The following CLOCK variants were observed in gnomAD, a reference collection of about 807,000 sequenced individuals.
CLOCK encodes clock circadian regulator.
A neutral mutation model predicts 118.4 loss-of-function variants in CLOCK; 43 were observed. That is an observed-to-expected ratio of 0.36 (90% confidence interval 0.28 to 0.47). CLOCK has a LOEUF of 0.47. CLOCK is among the 20% of genes least tolerant of loss of function. CLOCK has a pLI of 1.00. For synonymous variants in CLOCK, 326 were observed against 339.2 expected (o/e 0.96, Z 0.43); for missense variants, 846 against 999.9 (o/e 0.85, Z 2.08).
chr4:55,450,293 C>T, intron 15 of CLOCK, 61 bp from the exon 16 acceptor site: 1 of 1,597,508 alleles, frequency 6.3e-7, no homozygotes, highest in Non-Finnish European at 8.6e-7. Context: ...CTCAAATTCA[C>T]AATACTGTTA....
intron 2 of CLOCK, among the ~76,000 whole-genome samples, chr4:55,493,794 A>G (rs764918268): frequency 1.3e-5 from 2 of 152,194 alleles, no homozygotes; most frequent in Non-Finnish European, 2.9e-5. Flanking sequence ...ACCTGTAAGA[A>G]TAAGAACCAC....
rs114359277 is a variant in CLOCK at position 55,467,196 on chromosome 4, C to T, written c.439-3391G>A. Among the ~76,000 whole-genome samples the T allele has an allele frequency of 3.4e-3, 516 of 152,232 alleles. 2 individuals are homozygous for T. The highest frequency in any genetic ancestry group is 0.011 in the African/African-American group (471 of 41,536). ...TCAAACACTTCAATTCCAATGAGAT[C>T]TATCACATGTTGTCTATTTCAAAGG... On this transcript the variant is annotated intron_variant, in intron 8 of 22. Transcript: ENST00000513440.
intron 5 of CLOCK, 80 bp from the exon 6 acceptor site, chr4:55,479,043 T>A: frequency 8.7e-7 from 1 of 1,150,106 alleles, no homozygotes; most frequent in Non-Finnish European, 1.2e-6. Context: ...AATTTAGACA[T>A]GACACAGCAT....
intron 1 of CLOCK, among the ~76,000 whole-genome samples, chr4:55,513,894 T>C (rs1038071883): frequency 1.6e-4 from 24 of 152,224 alleles, no homozygotes; most frequent in Non-Finnish European, 3.2e-4. Context: ...TGTAATGGTA[T>C]TGTGTTTTTA....
chr4:55,455,941 T>C lies in CLOCK; in HGVS notation c.938A>G (p.Tyr313Cys). ...EVLGTSGYDY[Y>C]HVDDLENLAK... ...CAAATTTTCTAGGTCATCCACATGA[T>C]AGTAATCATAGCCTGATGTTCCCAG... The change falls in exon 13 of 23, where the codon TAT (tyrosine) becomes TGT (cysteine). Residue 313 changes from tyrosine (Y) to cysteine (C), a missense_variant. Around this residue, in one of 4 missense-constraint regions of CLOCK, gnomAD observed 66 missense variants for 99.4 expected, o/e 0.66. Coordinates refer to ENST00000513440, the MANE Select transcript of CLOCK (RefSeq NM_004898.4). 1 of 1,613,792 alleles carries C rather than the reference T, an allele frequency of 6.2e-7. No homozygotes were observed. The highest frequency in any genetic ancestry group is 8.5e-7 in the Non-Finnish European group (1 of 1,179,816).
chr4:55,541,532 T>A (rs1367618696), intron 1 of CLOCK, among the ~76,000 whole-genome samples: 1 of 152,206 alleles, frequency 6.6e-6, no homozygotes, highest in African/African-American at 2.4e-5. Flanking sequence ...ATAGTCACAG[T>A]AAATAAATGC....
chr4:55,450,275 T>G, intron 15 of CLOCK, 43 bp from the exon 16 acceptor site: 1 of 1,611,804 alleles, frequency 6.2e-7, no homozygotes. Context: ...GTGGTTCAGT[T>G]CAGAGATCTC....
chr4:55,511,644 G>C (rs1729152564), intron 1 of CLOCK, among the ~76,000 whole-genome samples: 2 of 152,050 alleles, frequency 1.3e-5, no homozygotes, highest in South Asian at 4.2e-4. Flanking sequence ...CAAAATTTTA[G>C]GCTTCACTCT....
intron 18 of CLOCK, among the ~76,000 whole-genome samples, chr4:55,446,574 TA>T (rs1723870209): frequency 6.6e-6 from 1 of 152,224 alleles, no homozygotes; most frequent in Admixed American, 6.5e-5. Context: ...CATGGGCTTT[TA>T]AAGACTAGGC....
chr4:55,472,244 A>G (rs998899105), intron 7 of CLOCK, among the ~76,000 whole-genome samples: 1 of 152,238 alleles, frequency 6.6e-6, no homozygotes, highest in Non-Finnish European at 1.5e-5. Flanking sequence ...TGATTTTCAA[A>G]AAGTTATGTT....
At chr4:55,439,313 G>A (rs966616336) in intron 21 of CLOCK, among the ~76,000 whole-genome samples, 1 of 152,054 alleles carries the variant, frequency 6.6e-6, no homozygotes, top group African/African-American at 2.4e-5. Context: ...CACAACAAGA[G>A]GCTACTTTAT....
At chr4:55,449,562 A>AAAATG (rs1346551054) in intron 16 of CLOCK, 66 bp from the exon 17 acceptor site, 19 of 1,331,098 alleles carry the variant, frequency 1.4e-5, no homozygotes, top group South Asian at 1.1e-4. Flanking sequence ...GATTAATCTC[A>AAAATG]AAATGTATTT....
In CLOCK at chr4:55,456,276, T is replaced by G. The variant is rs762624828; in HGVS notation, c.817A>C (p.Asn273His). 1.2e-6 allele frequency: 2 copies of G among 1,600,972 alleles called. No homozygotes were observed. Among genetic ancestry groups the G allele is most frequent in the Non-Finnish European group, 1.7e-6 (2 of 1,170,096 alleles). The change falls in exon 12 of 23, where the codon AAT becomes CAT. Residue 273 changes from asparagine to histidine, a missense_variant. Coordinates refer to ENST00000513440, the MANE Select transcript of CLOCK (RefSeq NM_004898.4). ...CTATGTCTAGATGTAAACTCTTCATTGGGTTCTTCAACAGTGCACATTTCC... is the reference window on the plus strand; with the variant it reads ...CTATGTCTAGATGTAAACTCTTCATGGGGTTCTTCAACAGTGCACATTTCC... ...IKEMCTVEEP[N>H]EEFTSRHSLE...
At chr4:55,447,282 T>G (rs1028989072) in intron 18 of CLOCK, among the ~76,000 whole-genome samples, 6 of 152,220 alleles carry the variant, frequency 3.9e-5, no homozygotes, top group Non-Finnish European at 7.4e-5. Flanking sequence ...CGGGATCGCC[T>G]GAGCTCAGGA....
In CLOCK at chr4:55,428,135, G is replaced by A. The variant is rs957410075; in HGVS notation, c.*7280C>T. On this transcript the variant is annotated 3_prime_UTR_variant, in exon 23 of 23. Coordinates refer to ENST00000513440, the MANE Select transcript of CLOCK (RefSeq NM_004898.4). Reference sequence around the variant, plus strand: ...GCTTGGCTCTTTTGCTATAAGTTTAGGTTCTGAATACATGACAAGAGTATG... The same window carrying A: ...GCTTGGCTCTTTTGCTATAAGTTTAAGTTCTGAATACATGACAAGAGTATG... 9 of 152,086 alleles carry A rather than the reference G, an allele frequency of 5.9e-5. 1 individual carries two copies. Among genetic ancestry groups the A allele is most frequent in the African/African-American group, 2.2e-4 (9 of 41,418 alleles). 9.4% of individuals were successfully genotyped at this position (152,086 alleles called of 1,614,324 possible).
rs773142906 is a variant in CLOCK at position 55,449,446 on chromosome 4, A to T, written c.1399T>A (p.Leu467Ile). ...TDTSTPPRQH[L>I]PAHEKMVQRR... is the part of the protein sequence containing the mutation. ...TGCACCATCTTCTCATGAGCTGGTA[A>T]ATGCTGCCTGGGTGGAGTGCTCGTA... is the stretch of plus-strand genomic sequence containing the variant. Residue 467 changes from leucine to isoleucine, a missense_variant, in exon 17 of 23, where the codon TTA becomes ATA. Around this residue, in one of 4 missense-constraint regions of CLOCK, gnomAD observed 520 missense variants for 558.0 expected, o/e 0.93. Coordinates refer to ENST00000513440, the MANE Select transcript of CLOCK (RefSeq NM_004898.4). The T allele has an allele frequency of 1.9e-6, 3 of 1,614,030 alleles. No homozygotes were observed. In the Admixed American group the frequency reaches 5.0e-5, roughly 27 times the overall value.
At chr4:55,531,703 C>CAAAAAAAAAA (rs373796432) in intron 1 of CLOCK, among the ~76,000 whole-genome samples, 12 of 41,278 alleles carry the variant, frequency 2.9e-4, no homozygotes, top group Non-Finnish European at 4.6e-4. Flanking sequence ...GACTTCGTCT[C>CAAAAAAAAAA]AAAAAAAAAA....
intron 11 of CLOCK, among the ~76,000 whole-genome samples, chr4:55,456,691 T>C (rs1724945710): frequency 6.6e-6 from 1 of 152,154 alleles, no homozygotes; most frequent in Non-Finnish European, 1.5e-5. Flanking sequence ...ACCTATTTCT[T>C]TGTTTGACAC....
At chr4:55,445,735 C>A (rs1723791326) in intron 18 of CLOCK, among the ~76,000 whole-genome samples, 1 of 151,472 alleles carries the variant, frequency 6.6e-6, no homozygotes, top group South Asian at 2.1e-4. Flanking sequence ...GGACTACAGG[C>A]ATGCACCACC....
Sources: allele counts gnomAD v4.1 joint callset (sites outside exome capture counted in the v4.1 genomes callset), GRCh38; gene constraint gnomAD v4.1.1; regional missense constraint gnomAD v4.1.1; transcripts MANE v1.5; gene names NCBI Gene and HGNC (gene_info 2026-07-23, HGNC 2026-07-21).